Variants in CDH10 observed in about 807,000 individuals in gnomAD.
The protein encoded by CDH10 is cadherin-10.
CDH10 carries 30 observed loss-of-function variants against 73.1 expected under a neutral mutation model. The ratio of observed to expected loss-of-function variants is 0.41; its 90% confidence interval spans 0.31 to 0.56. The LOEUF (loss-of-function observed/expected upper bound fraction) is 0.56, where lower values mean the gene tolerates loss of function less well. Among genes scored for constraint, CDH10 ranks in the 20% least tolerant of loss-of-function variants. The pLI is 0.27. For synonymous variants in CDH10, 345 were observed against 348.2 expected, an observed-to-expected ratio of 0.99 and a Z score of 0.10; for missense variants, 815 against 973.7, an observed-to-expected ratio of 0.84 and a Z score of 2.17.
chr5:24,546,683 A>G (rs575830524), intron 2 of CDH10, among the ~76,000 whole-genome samples: 1 of 152,306 alleles, frequency 6.6e-6, no homozygotes, highest in East Asian at 1.9e-4. Flanking sequence ...ATATACACAT[A>G]TAAACTCTTA....
intron 5 of CDH10, among the ~76,000 whole-genome samples, chr5:24,528,903 G>A (rs1743629292): frequency 6.6e-6 from 1 of 151,910 alleles, no homozygotes; most frequent in South Asian, 2.1e-4. Context: ...ATGAACAAGT[G>A]ACTTTACATT....
At chr5:24,596,793 T>C (rs890683811) in intron 1 of CDH10, among the ~76,000 whole-genome samples, 1 of 151,996 alleles carries the variant, frequency 6.6e-6, no homozygotes, top group Admixed American at 6.6e-5. Context: ...AAGTGGTATA[T>C]ACAGATGTAT....
At chr5:24,490,686 C>CTTA (rs1424350504) in intron 11 of CDH10, among the ~76,000 whole-genome samples, 1 of 151,992 alleles carries the variant, frequency 6.6e-6, no homozygotes, top group East Asian at 1.9e-4. Flanking sequence ...TGTTGCAGGC[C>CTTA]TTAACTTCAT....
intron 1 of CDH10, among the ~76,000 whole-genome samples, chr5:24,644,312 G>A (rs1477022782): frequency 6.6e-6 from 1 of 152,124 alleles, no homozygotes. Context: ...TTTGTTCCAA[G>A]TGAATGAATT....
At chr5:24,576,301 C>A (rs897073808) in intron 2 of CDH10, among the ~76,000 whole-genome samples, 2 of 152,014 alleles carry the variant, frequency 1.3e-5, no homozygotes, top group Non-Finnish European at 2.9e-5. Flanking sequence ...TCTCATAATA[C>A]TTTATATCAC....
intron 1 of CDH10, among the ~76,000 whole-genome samples, chr5:24,615,839 C>G (rs1204542875): frequency 6.6e-6 from 1 of 152,130 alleles, no homozygotes; most frequent in Non-Finnish European, 1.5e-5. Flanking sequence ...GAAATTCTGC[C>G]TTGAGGCATG....
Position 24,535,083 on chromosome 5 carries a change from C to T in CDH10, c.814+29G>A, listed in dbSNP as rs376551676. On this transcript the variant is annotated intron_variant, in intron 5 of 11. Coordinates refer to ENST00000264463, the MANE Select transcript of CDH10 (RefSeq NM_006727.5). ...CTTTTTTTACTCTAAATCTTTTGCC[C>T]GGCAGAATGACCATTAAAGGGTGCT... The T allele has an allele frequency of 1.6e-5, 24 of 1,511,942 alleles. 1 individual carries two copies. The highest frequency in any genetic ancestry group is 1.2e-4 in the Admixed American group (5 of 41,230). The allele number at this position is 1,511,942 out of a possible 1,614,324, so 93.7% of individuals were successfully genotyped here.
intron 11 of CDH10, among the ~76,000 whole-genome samples, chr5:24,490,404 A>C (rs1367279801): frequency 2.1e-5 from 3 of 145,056 alleles, no homozygotes; most frequent in Non-Finnish European, 3.0e-5. Flanking sequence ...TTTGTTCTGG[A>C]TTTCATTTCA....
chr5:24,597,820 A>G (rs1456987923), intron 1 of CDH10, among the ~76,000 whole-genome samples: 1 of 152,002 alleles, frequency 6.6e-6, no homozygotes, highest in African/African-American at 2.4e-5. Flanking sequence ...ATTACTAATT[A>G]AGTCTCCACA....
At position 24,509,713 on chromosome 5, in the gene CDH10, A is replaced by G. The variant is rs1742826943; in HGVS notation, c.1109T>C (p.Ile370Thr). 1.9e-6 allele frequency: 3 copies of G among 1,613,384 alleles called. No individual in the cohort carries two copies. The highest frequency in any genetic ancestry group is 1.3e-5 in the African/African-American group (1 of 74,912). The change falls in exon 7 of 12, where the codon ATA becomes ACA. Residue 370 changes from isoleucine to threonine, a missense_variant. Coordinates refer to ENST00000264463, the MANE Select transcript of CDH10 (RefSeq NM_006727.5). ...YYLGPFKDTT[I>T]VKISIEDVDE... Reference sequence around the variant, plus strand: ...CACATCTTCTATAGAGATTTTCACTATGGTAGTATCTTTAAATGGTCCTAG... The same window carrying G: ...CACATCTTCTATAGAGATTTTCACTGTGGTAGTATCTTTAAATGGTCCTAG...
intron 2 of CDH10, among the ~76,000 whole-genome samples, chr5:24,560,228 G>A (rs868815397): frequency 0.023 from 3,411 of 151,276 alleles, 61 homozygotes; most frequent in Middle Eastern, 0.095. Flanking sequence ...GTGTGTGTGT[G>A]TGTGTGTGTG....
chr5:24,535,038 C>T (rs1453417258), intron 5 of CDH10, 74 bp downstream of exon 5: 4 of 1,334,520 alleles, frequency 3.0e-6, no homozygotes, highest in East Asian at 2.5e-5. Flanking sequence ...TTTTTCTTTT[C>T]TTTTTCTTTC....
intron 2 of CDH10, among the ~76,000 whole-genome samples, chr5:24,560,744 G>A (rs181940586): frequency 2.4e-3 from 367 of 152,164 alleles, no homozygotes; most frequent in Admixed American, 4.2e-3. Context: ...GGTTGTCAGT[G>A]TATTTTTAGA....
chr5:24,488,394 C>A (rs1353096640), intron 11 of CDH10, among the ~76,000 whole-genome samples: 1 of 152,032 alleles, frequency 6.6e-6, no homozygotes, highest in Non-Finnish European at 1.5e-5. Context: ...GTAAAATATT[C>A]CTTAAATATA....
intron 1 of CDH10, among the ~76,000 whole-genome samples, chr5:24,607,200 G>GGGCTCATCA (rs1225662481): frequency 6.6e-6 from 1 of 152,066 alleles, no homozygotes; most frequent in African/African-American, 2.4e-5. Flanking sequence ...GTCAGCACAC[G>GGGCTCATCA]GGCTCATCAG....
In CDH10 at chr5:24,593,405, G is replaced by A. The variant is rs140810299; in HGVS notation, c.86C>T (p.Thr29Met). The stretch of plus-strand genomic sequence containing the variant: ...TAAAATTCTTTGCTGTGGCACAGGC[G>A]TCCTTCTGAACATTATTTCTGGAGA... ...FCSPEIMFRR[T>M]PVPQQRILSS... Residue 29 changes from threonine (T) to methionine (M), a missense_variant, in exon 2 of 12, where the codon ACG becomes ATG. Thr to Met is a moderately conservative substitution (Grantham distance 81). Transcript: ENST00000264463. 2.7e-5 allele frequency: 44 copies of A among 1,612,288 alleles called. No individual in the cohort carries two copies. Among genetic ancestry groups the A allele is most frequent in the African/African-American group, 2.1e-4 (16 of 74,940 alleles).
chr5:24,607,797 C>A (rs569675734), intron 1 of CDH10, among the ~76,000 whole-genome samples: 1 of 152,124 alleles, frequency 6.6e-6, no homozygotes, highest in East Asian at 1.9e-4. Flanking sequence ...CAAATATGTA[C>A]CATTTTTGTG....
chr5:24,641,092 C>A lies in CDH10; in HGVS notation c.-124+3502G>T, dbSNP rs1748035650. Among the ~76,000 whole-genome samples, 3 of 151,760 alleles carry A rather than the reference C, an allele frequency of 2.0e-5. No individual in the cohort carries two copies. In the South Asian group the frequency reaches 6.2e-4, roughly 31 times the overall value. ...TGACAATATGTGTCTACAGTTAGTT[C>A]AAGTGAGTGATGACAAGAAGGTATG... On this transcript the variant is annotated intron_variant, in intron 1 of 11. Transcript: ENST00000264463.
At chr5:24,644,309 C>T (rs1046806373) in intron 1 of CDH10, among the ~76,000 whole-genome samples, 3 of 152,050 alleles carry the variant, frequency 2.0e-5, no homozygotes, top group African/African-American at 7.2e-5. Context: ...GCATTTGTTC[C>T]AAGTGAATGA....
Sources: allele counts gnomAD v4.1 joint callset (sites outside exome capture counted in the v4.1 genomes callset), GRCh38; gene constraint gnomAD v4.1.1; transcripts MANE v1.5; gene names NCBI Gene and HGNC (gene_info 2026-07-23, HGNC 2026-07-21).